KIF1B: variants seen among roughly 807,000 people sequenced by gnomAD.
The protein encoded by KIF1B is kinesin-like protein KIF1B.
A neutral mutation model predicts 241.9 loss-of-function variants in KIF1B; 76 were observed. That is an observed-to-expected ratio of 0.31 (90% confidence interval 0.26 to 0.38). KIF1B has a LOEUF of 0.38. KIF1B is among the 10% of genes least tolerant of loss of function. The probability of loss-of-function intolerance (pLI) is 1.00; values close to 1 mark genes in which losing one functional copy is unlikely to be tolerated. For missense variants in KIF1B, 1,622 were observed against 2,271.4 expected (o/e 0.71, Z 5.81); for synonymous variants, 750 against 796.7 (o/e 0.94, Z 0.99).
chr1:10,355,321 CTT>C (rs1207797653), intron 38 of KIF1B: 1 of 152,484 alleles, frequency 6.6e-6, no homozygotes, highest in Non-Finnish European at 1.5e-5. Flanking sequence ...TCCCTTATTT[CTT>C]TTGTTTTTTT....
chr1:10,290,736 G>A (rs1265041532), intron 15 of KIF1B, among the ~76,000 whole-genome samples: 3 of 151,806 alleles, frequency 2.0e-5, no homozygotes, highest in African/African-American at 7.3e-5. Context: ...TGGGCGTGGT[G>A]GCACGTGCCT....
At chr1:10,304,141 A>G (rs754032854) in intron 22 of KIF1B, 4 of 1,614,206 alleles carry the variant, frequency 2.5e-6, no homozygotes, top group South Asian at 2.2e-5. Context: ...AGATGAGGTT[A>G]TAGAGCTTAG....
At chr1:10,229,867 CAAA>C (rs58923572) in intron 1 of KIF1B, among the ~76,000 whole-genome samples, 100 of 56,450 alleles carry the variant, frequency 1.8e-3, no homozygotes, top group African/African-American at 8.6e-3. Context: ...GACTCCGTCT[CAAA>C]AAAAAAAAAA....
At chr1:10,265,229 TTTATTTATTTATTTATTTA>T (rs1229426539) in intron 5 of KIF1B, among the ~76,000 whole-genome samples, 3 of 149,290 alleles carry the variant, frequency 2.0e-5, no homozygotes, top group Admixed American at 6.7e-5. Context: ...TATTTATTTA[TTTATTTATTTATTTATTTA>T]TTTTTAGAGA....
chr1:10,325,016 A>G (rs142823541), intron 26 of KIF1B, 121 bp downstream of exon 26: 15 of 1,083,940 alleles, frequency 1.4e-5, no homozygotes, highest in African/African-American at 7.8e-5. Context: ...GGCCTTATCT[A>G]TAATCTTATC....
chr1:10,237,884 CTGTAGTCG>C (rs1647078683), intron 2 of KIF1B, among the ~76,000 whole-genome samples: 1 of 151,688 alleles, frequency 6.6e-6, no homozygotes, highest in South Asian at 2.1e-4. Context: ...TGGTGTGCAC[CTGTAGTCG>C]TAGCTACTAG....
chr1:10,256,217 C>T (rs1403601800), intron 2 of KIF1B, 30 bp from the exon 3 acceptor site: 1 of 1,373,070 alleles, frequency 7.3e-7, no homozygotes, highest in Non-Finnish European at 1.0e-6. Flanking sequence ...AATTGAGTGA[C>T]TTATAAAATG....
chr1:10,323,274 G>A (rs1459107000), intron 24 of KIF1B, among the ~76,000 whole-genome samples: 2 of 152,214 alleles, frequency 1.3e-5, no homozygotes, highest in South Asian at 2.1e-4. Context: ...TTTTGTGGTC[G>A]ACCTTTTGTT....
At chr1:10,220,061 G>C (rs560801124) in intron 1 of KIF1B, among the ~76,000 whole-genome samples, 1 of 152,036 alleles carries the variant, frequency 6.6e-6, no homozygotes, top group South Asian at 2.1e-4. Flanking sequence ...AATTAGTTGG[G>C]TGTGGTGGCA....
intron 1 of KIF1B, among the ~76,000 whole-genome samples, chr1:10,213,703 C>T (rs997540020): frequency 6.6e-6 from 1 of 152,130 alleles, no homozygotes; most frequent in African/African-American, 2.4e-5. Flanking sequence ...AAGATGGCCT[C>T]GTTTGAACAG....
intron 1 of KIF1B, among the ~76,000 whole-genome samples, chr1:10,219,250 T>C (rs61775872): frequency 0.32 from 48,807 of 151,184 alleles, 8,109 homozygotes; most frequent in Middle Eastern, 0.37. Context: ...TCACTGAGGT[T>C]GGGAGTTTGA....
chr1:10,275,186 A>G (rs1649033834), intron 10 of KIF1B, among the ~76,000 whole-genome samples: 1 of 152,220 alleles, frequency 6.6e-6, no homozygotes, highest in Admixed American at 6.5e-5. Context: ...GTAGCTCATT[A>G]TACTGCTCTC....
chr1:10,229,500 A>G (rs1646950638), intron 1 of KIF1B, among the ~76,000 whole-genome samples: 1 of 152,136 alleles, frequency 6.6e-6, no homozygotes, highest in African/African-American at 2.4e-5. Flanking sequence ...AGTGTGAGAG[A>G]TGGACAATAG....
At chr1:10,334,389 G>A in intron 27 of KIF1B, 131 bp from the exon 28 acceptor site, 4 of 778,160 alleles carry the variant, frequency 5.1e-6, no homozygotes, top group Non-Finnish European at 7.0e-6. Context: ...GAGAGGCTAG[G>A]ACTGAGAAGG....
chr1:10,258,321 T>A lies in KIF1B; in HGVS notation c.184-172T>A, dbSNP rs373892795. The stretch of plus-strand genomic sequence containing the variant: ...GTGTTTGTGAGTGTGTGTGTGTGCA[T>A]GTGCGTGTATTTAATGAGAAAAGTA... On this transcript the variant is annotated intron_variant, in intron 3 of 48. Transcript: ENST00000676179. Among the ~76,000 whole-genome samples, 31 of 152,266 alleles carry A rather than the reference T, an allele frequency of 2.0e-4. 1 individual carries two copies. In the South Asian group the frequency reaches 6.4e-3, roughly 32 times the overall value.
At chr1:10,343,440 A>G (rs1444877097) in intron 34 of KIF1B, among the ~76,000 whole-genome samples, 153 bp downstream of exon 34, 1 of 152,208 alleles carries the variant, frequency 6.6e-6, no homozygotes, top group Non-Finnish European at 1.5e-5. Context: ...AGTAGGAACT[A>G]GAATTCCTAG....
intron 3 of KIF1B, among the ~76,000 whole-genome samples, chr1:10,257,218 G>A (rs1255723161): frequency 1.3e-5 from 2 of 150,834 alleles, no homozygotes; most frequent in Non-Finnish European, 2.9e-5. Flanking sequence ...GTGAGCCACC[G>A]TGCCTGGCCA....
At chr1:10,227,071 C>G (rs1457492105) in intron 1 of KIF1B, among the ~76,000 whole-genome samples, 5 of 135,380 alleles carry the variant, frequency 3.7e-5, no homozygotes, top group Non-Finnish European at 7.7e-5. Context: ...AAGTCTCGCT[C>G]TCTTACCAGG....
rs1478848931 is a variant in KIF1B, at chr1:10,303,737, T to C, written c.2115+6491T>C. The C allele has an allele frequency of 6.2e-7, 1 of 1,614,080 alleles. No individual in the cohort carries two copies. The highest frequency in any genetic ancestry group is 8.5e-7 in the Non-Finnish European group (1 of 1,180,008). ...GAGATAAAAGTCTTAAGAAATAAAATGCTCAAAATGGAAAAAGTCTTGCCA... is the reference window on the plus strand; with the variant it reads ...GAGATAAAAGTCTTAAGAAATAAAACGCTCAAAATGGAAAAAGTCTTGCCA... On this transcript the variant is annotated intron_variant, in intron 22 of 48. Coordinates refer to ENST00000676179, the MANE Select transcript of KIF1B (RefSeq NM_001365951.3). The surrounding 1 kb of genome is among the most constrained non-coding windows in gnomAD (Gnocchi z 5.2).
Sources: allele counts gnomAD v4.1 joint callset (sites outside exome capture counted in the v4.1 genomes callset), GRCh38; gene constraint gnomAD v4.1.1; non-coding constraint Gnocchi (gnomAD v3.1); transcripts MANE v1.5; gene names NCBI Gene and HGNC (gene_info 2026-07-23, HGNC 2026-07-21).